Variants in RYR2 observed in about 807,000 individuals in gnomAD.
RYR2 encodes cardiac muscle ryanodine receptor-calcium release channel.
RYR2 carries 227 observed loss-of-function variants against 601.1 expected under a neutral mutation model. The ratio of observed to expected loss-of-function variants is 0.38; its 90% CI spans 0.34 to 0.42. The LOEUF is 0.42. RYR2 is among the 10% of genes least tolerant of loss of function. The pLI is 1.00. For synonymous variants in RYR2, 2,223 were observed against 2,175.1 expected, an observed-to-expected ratio of 1.02 and a Z score of -0.61; for missense variants, 4,646 against 6,156.5, an observed-to-expected ratio of 0.75 and a Z score of 8.21.
chr1:237,342,283 C>A (rs1220077885), intron 3 of RYR2, among the ~76,000 whole-genome samples: 1 of 151,218 alleles, frequency 6.6e-6, no homozygotes, highest in East Asian at 1.9e-4. Context: ...GCCAGGACCA[C>A]AGGCACAAGC....
chr1:237,704,234 A>G (rs189161263), intron 66 of RYR2, among the ~76,000 whole-genome samples: 59 of 152,258 alleles, frequency 3.9e-4, no homozygotes, highest in South Asian at 6.2e-4. Context: ...CAAGGAAAGT[A>G]GAGAATGTCT....
intron 101 of RYR2, among the ~76,000 whole-genome samples, chr1:237,820,848 T>C (rs1662409711): frequency 6.6e-6 from 1 of 152,096 alleles, no homozygotes; most frequent in Non-Finnish European, 1.5e-5. Flanking sequence ...GGAGGGCATC[T>C]GCCATTGCTG....
chr1:237,343,569 A>G (rs569014774), intron 3 of RYR2, among the ~76,000 whole-genome samples: 7 of 152,272 alleles, frequency 4.6e-5, no homozygotes, highest in Non-Finnish European at 8.8e-5. Flanking sequence ...CAATGTACCA[A>G]GGTCAGCGAT....
At chr1:237,317,223 C>T (rs1695201583) in intron 2 of RYR2, among the ~76,000 whole-genome samples, 1 of 152,126 alleles carries the variant, frequency 6.6e-6, no homozygotes, top group African/African-American at 2.4e-5. Context: ...ACTAGCTAGT[C>T]AAAGCAAAAC....
intron 1 of RYR2, among the ~76,000 whole-genome samples, chr1:237,193,594 C>T (rs1407987380): frequency 6.6e-6 from 1 of 152,186 alleles, no homozygotes; most frequent in Admixed American, 6.5e-5. Flanking sequence ...CTACTCCCCT[C>T]AGCACTAAGC....
Position 237,345,453 on chromosome 1 carries a change from CAAAAAATAAAAAAT to C in RYR2, c.274-10491_274-10478del, listed in dbSNP as rs913069540. ...CCTGGGTGAAAGAGAGAGACTCTGC[CAAAAAATAAAAAAT>C]AAAAAATAAAAAATAAAAAAAAATA... On this transcript the variant is annotated intron_variant, in intron 3 of 104. Transcript: ENST00000366574. Among the ~76,000 whole-genome samples the C allele has an allele frequency of 8.6e-5, 12 of 139,208 alleles. 1 individual carries two copies. The South Asian group carries it at 8.8e-4, about 10-fold the overall frequency. The allele number at this position is 139,208 out of a possible 152,430, so 91.3% of individuals were successfully genotyped here.
At chr1:237,429,056 G>A (rs780252178) in intron 12 of RYR2, among the ~76,000 whole-genome samples, 24 of 152,052 alleles carry the variant, frequency 1.6e-4, no homozygotes, top group African/African-American at 5.1e-4. Flanking sequence ...TGACTTGAGC[G>A]GGACTGGGAA....
At chr1:237,108,531 A>AAACAGAG (rs1239720477) in intron 1 of RYR2, among the ~76,000 whole-genome samples, 3 of 152,232 alleles carry the variant, frequency 2.0e-5, no homozygotes, top group Non-Finnish European at 4.4e-5. Context: ...CTCACAACCA[A>AAACAGAG]AACAGAGAAC....
intron 79 of RYR2, 87 bp from the exon 80 acceptor site, chr1:237,742,209 T>C: frequency 2.5e-6 from 2 of 813,678 alleles, no homozygotes; most frequent in Non-Finnish European, 2.0e-6. Flanking sequence ...ATACAAATGA[T>C]TTGCTCTTCT....
At chr1:237,047,727 G>A (rs140356154) in intron 1 of RYR2, among the ~76,000 whole-genome samples, 1 of 152,264 alleles carries the variant, frequency 6.6e-6, no homozygotes, top group African/African-American at 2.4e-5. Flanking sequence ...TGGGGACATG[G>A]TACCTTCTGG....
chr1:237,147,650 G>A (rs1180746855), intron 1 of RYR2, among the ~76,000 whole-genome samples: 1 of 152,200 alleles, frequency 6.6e-6, no homozygotes, highest in African/African-American at 2.4e-5. Context: ...AATACATCAT[G>A]TAAAATCAGC....
At chr1:237,696,575 A>G (rs964647298) in intron 63 of RYR2, among the ~76,000 whole-genome samples, 1 of 148,134 alleles carries the variant, frequency 6.8e-6, no homozygotes, top group Admixed American at 6.8e-5. Flanking sequence ...CCTATTCTAC[A>G]TCTTTACCCG....
intron 29 of RYR2, among the ~76,000 whole-genome samples, chr1:237,580,896 G>T (rs544797533): frequency 6.6e-6 from 1 of 152,138 alleles, no homozygotes; most frequent in East Asian, 1.9e-4. Flanking sequence ...CAGGAGAAAC[G>T]AAGCCTGCTG....
At chr1:237,464,288 G>A (rs1279407733) in intron 16 of RYR2, among the ~76,000 whole-genome samples, 1 of 151,992 alleles carries the variant, frequency 6.6e-6, no homozygotes, top group African/African-American at 2.4e-5. Flanking sequence ...CTTTTTTATT[G>A]TCGTCTATTT....
chr1:237,285,435 G>A (rs994051586), intron 2 of RYR2, among the ~76,000 whole-genome samples: 3 of 152,034 alleles, frequency 2.0e-5, no homozygotes, highest in African/African-American at 7.2e-5. Flanking sequence ...TTAGTATTTT[G>A]TTGAGGATTT....
chr1:237,453,189 C>T (rs1034125363), intron 14 of RYR2, among the ~76,000 whole-genome samples: 2 of 151,968 alleles, frequency 1.3e-5, no homozygotes, highest in Non-Finnish European at 2.9e-5. Flanking sequence ...GTCACTCTTG[C>T]ATTTTGGGCA....
In RYR2 at chr1:237,602,521, G is replaced by T. The variant is rs77675614; in HGVS notation, c.4683+410G>T. ...TGGGTTGGATCAGCTAAAGCTCAAA[G>T]AAGAGGTAACATTTAGTTTGATTAC... On this transcript the variant is annotated intron_variant, in intron 35 of 104. Coordinates refer to ENST00000366574, the MANE Select transcript of RYR2 (RefSeq NM_001035.3). Among the ~76,000 whole-genome samples, 530 of 152,314 alleles carry T rather than the reference G, an allele frequency of 3.5e-3. 1 individual carries two copies. The highest frequency in any genetic ancestry group is 0.012 in the African/African-American group (494 of 41,572).
intron 84 of RYR2, among the ~76,000 whole-genome samples, chr1:237,766,486 T>C (rs1261614881): frequency 6.7e-6 from 1 of 148,622 alleles, no homozygotes. Context: ...GAGTAGACTT[T>C]TCACAGTTAA....
chr1:237,646,129 G>A (rs906982926), intron 48 of RYR2, among the ~76,000 whole-genome samples: 1 of 151,934 alleles, frequency 6.6e-6, no homozygotes, highest in East Asian at 1.9e-4. Context: ...GGCACATCTC[G>A]GCCTCCCAAA....
Sources: gnomAD v4.1 joint callset for allele counts (sites outside exome capture counted in the v4.1 genomes callset) on GRCh38, gnomAD v4.1.1 for gene constraint, MANE v1.5 for transcripts, NCBI Gene and HGNC (gene_info 2026-07-23, HGNC 2026-07-21) for gene names.